The following PDE1C variants were observed in gnomAD, a reference collection of about 807,000 sequenced individuals.
PDE1C encodes the protein dual specificity calcium/calmodulin-dependent 3',5'-cyclic nucleotide phosphodiesterase 1C.
Under a neutral mutation model 93.1 loss-of-function variants are expected in PDE1C, and 62 were observed. The ratio of observed to expected loss-of-function variants is 0.67; its 90% CI spans 0.54 to 0.82. PDE1C has a LOEUF of 0.82. PDE1C is among the 40% of genes least tolerant of loss of function. The probability of loss-of-function intolerance (pLI) is 0.00; values close to 1 mark genes in which losing one functional copy is unlikely to be tolerated. For missense variants in PDE1C, 742 were observed against 884.6 expected, an observed-to-expected ratio of 0.84 and a Z score of 2.04; for synonymous variants, 325 against 310.1, an observed-to-expected ratio of 1.05 and a Z score of -0.50.
rs998623405 is a variant in PDE1C at position 32,230,964 on chromosome 7, C to A, written c.86-21425G>T. On this transcript the variant is annotated intron_variant, in intron 1 of 18. Transcript: ENST00000396193. ...TCCAATTTTTATAAAGTAGAAAGAC[C>A]AGCTTACCACCCCACAGGAGCTAAG... Among the ~76,000 whole-genome samples, 5 of 151,998 alleles carry A rather than the reference C, an allele frequency of 3.3e-5. No homozygotes were observed. The East Asian group carries it at 5.8e-4, about 18-fold the overall frequency.
chr7:32,156,212 C>T (rs529356202), intron 3 of PDE1C, among the ~76,000 whole-genome samples: 2 of 152,112 alleles, frequency 1.3e-5, no homozygotes, highest in South Asian at 4.1e-4. Context: ...TGGTGGTTTG[C>T]TGCACCTATC....
intron 2 of PDE1C, among the ~76,000 whole-genome samples, chr7:31,974,939 T>TC (rs1234599268): frequency 6.6e-6 from 1 of 152,212 alleles, no homozygotes; most frequent in African/African-American, 2.4e-5. Context: ...CTGCAGGTTC[T>TC]CCCCATTGCC....
chr7:31,970,276 A>C (rs185852037), intron 2 of PDE1C, among the ~76,000 whole-genome samples: 2 of 152,206 alleles, frequency 1.3e-5, no homozygotes, highest in Non-Finnish European at 2.9e-5. Context: ...CAATATAAAC[A>C]CAGATGCTTT....
intron 3 of PDE1C, among the ~76,000 whole-genome samples, chr7:32,154,254 G>A (rs986701568): frequency 3.3e-5 from 5 of 152,068 alleles, no homozygotes; most frequent in African/African-American, 9.7e-5. Flanking sequence ...GCGAGACTAT[G>A]CCTCAAAAGT....
intron 2 of PDE1C, among the ~76,000 whole-genome samples, chr7:31,963,998 C>T (rs571244465): frequency 6.6e-6 from 1 of 152,204 alleles, no homozygotes; most frequent in Non-Finnish European, 1.5e-5. Flanking sequence ...CAAATAGGAA[C>T]AGCTGGGAGC....
intron 1 of PDE1C, among the ~76,000 whole-genome samples, chr7:32,242,240 G>T (rs555576435): frequency 6.6e-6 from 1 of 152,314 alleles, no homozygotes; most frequent in South Asian, 2.1e-4. Flanking sequence ...AAATGGGTAA[G>T]GAGGGAACTT....
At chr7:31,638,115 T>C in the PDE1C span, among the ~76,000 whole-genome samples, 1 of 152,204 alleles carries the variant, frequency 6.6e-6, no homozygotes, top group Non-Finnish European at 1.5e-5. Flanking sequence ...ACATTTAAAG[T>C]TCTGCATTGA....
At chr7:32,182,809 G>T (rs956867408) in intron 2 of PDE1C, among the ~76,000 whole-genome samples, 7 of 152,136 alleles carry the variant, frequency 4.6e-5, no homozygotes, top group African/African-American at 1.7e-4. Context: ...GGGCAATCAG[G>T]CAGGAGAAGG....
chr7:32,251,296 C>A (rs534219985), intron 1 of PDE1C, among the ~76,000 whole-genome samples: 125 of 152,352 alleles, frequency 8.2e-4, no homozygotes, highest in Non-Finnish European at 1.5e-3. Flanking sequence ...CTCTCCCACC[C>A]TACTTTGACC....
the PDE1C span, among the ~76,000 whole-genome samples, chr7:31,667,224 T>C: frequency 6.6e-6 from 1 of 152,142 alleles, no homozygotes; most frequent in Non-Finnish European, 1.5e-5. Flanking sequence ...TTTCTTGTGA[T>C]TGACTAGGTT....
At chr7:31,844,654 T>C (rs1342268851) in intron 9 of PDE1C, among the ~76,000 whole-genome samples, 1 of 152,026 alleles carries the variant, frequency 6.6e-6, no homozygotes. Flanking sequence ...TTTGCTGAGT[T>C]TCTTGAATCT....
chr7:32,413,040 C>T (rs572494364), intron 1 of PDE1C, among the ~76,000 whole-genome samples: 2 of 152,182 alleles, frequency 1.3e-5, no homozygotes, highest in Admixed American at 6.5e-5. Context: ...GTTACACAAG[C>T]GTATGCATTT....
intron 3 of PDE1C, among the ~76,000 whole-genome samples, chr7:32,109,674 G>A (rs1056980224): frequency 6.6e-6 from 1 of 152,166 alleles, no homozygotes; most frequent in African/African-American, 2.4e-5. Flanking sequence ...GTCTGGAAGG[G>A]CACGCAGCAG....
chr7:31,640,846 CAA>C, the PDE1C span, among the ~76,000 whole-genome samples: 1 of 152,124 alleles, frequency 6.6e-6, no homozygotes, highest in Admixed American at 6.5e-5. Flanking sequence ...AAATTTTGCT[CAA>C]AGTTTCTCAA....
intron 1 of PDE1C, among the ~76,000 whole-genome samples, chr7:32,341,173 C>CTTTTT (rs3079623): frequency 0.42 from 35,663 of 84,302 alleles, 10,868 homozygotes; most frequent in Admixed American, 0.55. Flanking sequence ...GAAATAAAGT[C>CTTTTT]TTTTTTTTTT....
At chr7:32,246,644 C>T (rs571129957) in intron 1 of PDE1C, among the ~76,000 whole-genome samples, 4 of 152,238 alleles carry the variant, frequency 2.6e-5, no homozygotes, top group African/African-American at 4.8e-5. Context: ...ATATTTATTG[C>T]AAGCAGGGAA....
At chr7:31,901,610 A>G (rs1799988877) in intron 2 of PDE1C, among the ~76,000 whole-genome samples, 1 of 151,250 alleles carries the variant, frequency 6.6e-6, no homozygotes, top group African/African-American at 2.4e-5. Flanking sequence ...AGAACTTATT[A>G]TATAATTTAA....
chr7:31,642,049 T>A, the PDE1C span: 1 of 527,938 alleles, frequency 1.9e-6, no homozygotes, highest in Non-Finnish European at 3.3e-6. Flanking sequence ...CCTCATTTGT[T>A]TTTTCTTCCA....
At chr7:31,802,871 A>G (rs1157650871) in intron 16 of PDE1C, among the ~76,000 whole-genome samples, 2 of 151,706 alleles carry the variant, frequency 1.3e-5, no homozygotes, top group African/African-American at 4.8e-5. Flanking sequence ...CAATCTGACT[A>G]TAGTATGCTT....
Sources: gnomAD v4.1 joint callset for allele counts (sites outside exome capture counted in the v4.1 genomes callset) on GRCh38, gnomAD v4.1.1 for gene constraint, MANE v1.5 for transcripts, NCBI Gene and HGNC (gene_info 2026-07-23, HGNC 2026-07-21) for gene names.